MAOB: variants seen among roughly 807,000 people sequenced by gnomAD.
MAOB encodes the protein monoamine oxidase B.
In MAOB, 15 loss-of-function variants were observed where a neutral mutation model predicts 41.9. The observed-to-expected ratio is 0.36, with a 90% CI of 0.24 to 0.55. The LOEUF is 0.55. Ranked by LOEUF, MAOB falls within the 20% of genes least tolerant of loss-of-function variation. The probability of loss-of-function intolerance (pLI) is 0.86; values close to 1 mark genes in which losing one functional copy is unlikely to be tolerated. For missense variants in MAOB, 345 were observed against 398.7 expected (o/e 0.87, Z 1.15); for synonymous variants, 167 against 144.2 (o/e 1.16, Z -1.13).
chrX:43,769,181 A>G (rs2034149106), intron 13 of MAOB, 126 bp downstream of exon 13: 13 of 980,309 alleles, frequency 1.3e-5, no homozygotes, highest in Non-Finnish European at 1.6e-5. Context: ...TAGTTAAAAT[A>G]GTATTTTATG....
intron 1 of MAOB, among the ~76,000 whole-genome samples, chrX:43,877,934 A>T (rs998441372): frequency 8.9e-6 from 1 of 112,708 alleles, no homozygotes; most frequent in African/African-American, 3.2e-5. Flanking sequence ...GGTGAAAAGA[A>T]GTGATTACAT....
chrX:43,790,577 T>C (rs1026081998), intron 8 of MAOB, among the ~76,000 whole-genome samples: 1 of 110,831 alleles, frequency 9.0e-6, no homozygotes, highest in Admixed American at 9.6e-5. Context: ...CTATCTCATG[T>C]CAACAAACTT....
intron 8 of MAOB, among the ~76,000 whole-genome samples, chrX:43,786,370 G>A (rs991416682): frequency 1.8e-5 from 2 of 111,436 alleles, no homozygotes; most frequent in Non-Finnish European, 3.8e-5. Flanking sequence ...GTGTGCATAC[G>A]TGTGTGTAAG....
chrX:43,859,450 C>T (rs1172166453), intron 1 of MAOB, among the ~76,000 whole-genome samples: 1 of 111,636 alleles, frequency 9.0e-6, no homozygotes, highest in African/African-American at 3.3e-5. Flanking sequence ...TGCTTTATAG[C>T]TTTTCTTCTT....
chrX:43,847,213 G>A (rs1426520999), intron 1 of MAOB, among the ~76,000 whole-genome samples: 4 of 110,684 alleles, frequency 3.6e-5, no homozygotes, highest in Admixed American at 9.6e-5. Flanking sequence ...GTGTGGTGGC[G>A]GGCACCTGTA....
At chrX:43,821,170 G>A (rs1290302966) in intron 3 of MAOB, among the ~76,000 whole-genome samples, 1 of 111,823 alleles carries the variant, frequency 8.9e-6, no homozygotes, top group Non-Finnish European at 1.9e-5. Flanking sequence ...TAATTCTACC[G>A]TATGAACTAG....
At chrX:43,808,264 G>A (rs1262851931) in intron 3 of MAOB, among the ~76,000 whole-genome samples, 2 of 112,136 alleles carry the variant, frequency 1.8e-5, no homozygotes. Flanking sequence ...ATTTTTGCTT[G>A]AAAATCCATT....
At chrX:43,795,130 T>C (rs1333091843) in intron 7 of MAOB, among the ~76,000 whole-genome samples, 1 of 111,141 alleles carries the variant, frequency 9.0e-6, no homozygotes, top group African/African-American at 3.3e-5. Flanking sequence ...TCCAAGACTG[T>C]CCCCCACCTT....
chrX:43,774,059 G>A (rs1053280748), intron 12 of MAOB, among the ~76,000 whole-genome samples: 1 of 111,749 alleles, frequency 8.9e-6, no homozygotes, highest in East Asian at 2.8e-4. Flanking sequence ...AAGTTATTAC[G>A]TATCTTCTGA....
chrX:43,783,309 A>T (rs1259944249), intron 8 of MAOB, among the ~76,000 whole-genome samples: 1 of 111,787 alleles, frequency 8.9e-6, no homozygotes, highest in African/African-American at 3.3e-5. Flanking sequence ...TTCAAACATG[A>T]CCTCCAAAGA....
intron 14 of MAOB, among the ~76,000 whole-genome samples, chrX:43,768,282 C>T (rs1005417310): frequency 9.0e-6 from 1 of 111,210 alleles, no homozygotes; most frequent in Admixed American, 9.5e-5. Context: ...TTTGTTTGTC[C>T]CTGGACAGGA....
intron 3 of MAOB, among the ~76,000 whole-genome samples, chrX:43,837,444 C>T (rs1473205584): frequency 1.8e-5 from 2 of 112,284 alleles, no homozygotes; most frequent in South Asian, 3.7e-4. Flanking sequence ...GTGATCCGCC[C>T]GCCTCAGCCT....
intron 8 of MAOB, among the ~76,000 whole-genome samples, chrX:43,789,482 A>C (rs1333380687): frequency 8.9e-6 from 1 of 112,341 alleles, no homozygotes; most frequent in Admixed American, 9.5e-5. Flanking sequence ...GTAAATATTC[A>C]AGGGAAAGTA....
chrX:43,858,622 G>T (rs2035313311), intron 1 of MAOB, among the ~76,000 whole-genome samples: 1 of 110,597 alleles, frequency 9.0e-6, no homozygotes, highest in African/African-American at 3.3e-5. Context: ...TCCCTAGTGT[G>T]GATTTTCCAC....
intron 8 of MAOB, among the ~76,000 whole-genome samples, chrX:43,791,783 A>T (rs1295854426): frequency 3.6e-5 from 4 of 111,903 alleles, no homozygotes; most frequent in African/African-American, 1.3e-4. Flanking sequence ...ATTAAATAGA[A>T]TTTTAAAATC....
At chrX:43,855,100 T>C (rs2035279624) in intron 1 of MAOB, among the ~76,000 whole-genome samples, 1 of 111,348 alleles carries the variant, frequency 9.0e-6, no homozygotes, top group South Asian at 3.8e-4. Context: ...GGATGAAACA[T>C]GGTGGCAGGT....
chrX:43,821,503 T>C (rs1392455801), intron 3 of MAOB, among the ~76,000 whole-genome samples: 1 of 111,695 alleles, frequency 9.0e-6, no homozygotes, highest in Non-Finnish European at 1.9e-5. Flanking sequence ...CGAATGCTTT[T>C]GATGCCTCTG....
chrX:43,786,537 G>C (rs1483621627), intron 8 of MAOB, among the ~76,000 whole-genome samples: 8 of 111,880 alleles, frequency 7.2e-5, no homozygotes, highest in Middle Eastern at 4.2e-3. Flanking sequence ...AAAAGATGTT[G>C]AGAAAGTCTG....
At chrX:43,779,237 A>C (rs751701660) in intron 10 of MAOB, among the ~76,000 whole-genome samples, 23 of 112,193 alleles carry the variant, frequency 2.1e-4, no homozygotes, top group African/African-American at 7.1e-4. Context: ...AGAATTCATA[A>C]AGGTGGACAT....
Sources: gnomAD v4.1 joint callset for allele counts (sites outside exome capture counted in the v4.1 genomes callset) on GRCh38, gnomAD v4.1.1 for gene constraint, MANE v1.5 for transcripts, NCBI Gene and HGNC (gene_info 2026-07-23, HGNC 2026-07-21) for gene names.